Variants in C1orf146 observed in about 807,000 individuals in gnomAD.
C1orf146 encodes the protein chromosome 1 open reading frame 146, also known as protein SPO16 homolog.
Under a neutral mutation model 23.0 loss-of-function variants are expected in C1orf146, and 22 were observed. That is an observed-to-expected ratio of 0.96 (90% CI 0.68 to 1.36). C1orf146 has a LOEUF of 1.36. Among genes scored for constraint, C1orf146 ranks in the 40% most tolerant of loss-of-function variants. The pLI, the probability that C1orf146 is intolerant of heterozygous loss-of-function variation, is 0.00. For missense variants in C1orf146, 199 were observed against 206.8 expected, an observed-to-expected ratio of 0.96 and a Z score of 0.23; for synonymous variants, 59 against 65.3, an observed-to-expected ratio of 0.90 and a Z score of 0.47.
At chr1:92,227,388 A>T (rs1261832459) in intron 1 of C1orf146, among the ~76,000 whole-genome samples, 1 of 152,096 alleles carries the variant, frequency 6.6e-6, no homozygotes, top group Non-Finnish European at 1.5e-5. Context: ...TAAAAATACA[A>T]AAAAATTAGT....
At chr1:92,231,623 G>T in intron 2 of C1orf146, 137 bp downstream of exon 2, 1 of 484,672 alleles carries the variant, frequency 2.1e-6, no homozygotes, top group South Asian at 5.0e-5. Flanking sequence ...TAAGCTAAAT[G>T]TATTTTAAAG....
chr1:92,236,032 A>G (rs1652267781), intron 2 of C1orf146, among the ~76,000 whole-genome samples: 1 of 152,122 alleles, frequency 6.6e-6, no homozygotes, highest in Non-Finnish European at 1.5e-5. Context: ...TTTCCTGAAT[A>G]CAGCACACCG....
intron 1 of C1orf146, chr1:92,229,221 G>T: frequency 1.8e-6 from 1 of 550,994 alleles, no homozygotes; most frequent in Non-Finnish European, 3.7e-6. Context: ...GGTGATGTCT[G>T]GGTACATGGT....
At chr1:92,241,524 C>G (rs536205948) in intron 2 of C1orf146, among the ~76,000 whole-genome samples, 6 of 152,268 alleles carry the variant, frequency 3.9e-5, no homozygotes, top group Admixed American at 3.3e-4. Context: ...GAGTCTTGCT[C>G]TGTCACCTGG....
chr1:92,219,892 T>C (rs1651779103), intron 1 of C1orf146, among the ~76,000 whole-genome samples: 1 of 152,214 alleles, frequency 6.6e-6, no homozygotes, highest in Non-Finnish European at 1.5e-5. Flanking sequence ...GATTTGTCTC[T>C]TCTCCATTTA....
At chr1:92,221,979 C>T (rs1651826937) in intron 1 of C1orf146, among the ~76,000 whole-genome samples, 1 of 152,180 alleles carries the variant, frequency 6.6e-6, no homozygotes, top group African/African-American at 2.4e-5. Context: ...TGGTGACTCA[C>T]ACCTGTAATC....
chr1:92,219,490 CTCTTTCTTTTTTTTT>C (rs1316769251), intron 1 of C1orf146, among the ~76,000 whole-genome samples: 2 of 99,664 alleles, frequency 2.0e-5, no homozygotes, highest in African/African-American at 7.3e-5. Flanking sequence ...AAGTGACTTT[CTCTTTCTTTTTTTTT>C]TTTTTTTTTT....
chr1:92,222,954 C>T (rs1651873175), intron 1 of C1orf146, among the ~76,000 whole-genome samples: 1 of 152,044 alleles, frequency 6.6e-6, no homozygotes, highest in Admixed American at 6.6e-5. Flanking sequence ...CGGGGGTTGG[C>T]ATCTTTCCTT....
chr1:92,221,678 G>C (rs751990967), intron 1 of C1orf146, among the ~76,000 whole-genome samples: 5 of 152,140 alleles, frequency 3.3e-5, no homozygotes, highest in African/African-American at 1.2e-4. Flanking sequence ...GTTTCAAAGA[G>C]GTTATTTTTC....
chr1:92,235,876 G>T (rs548362300), intron 2 of C1orf146, among the ~76,000 whole-genome samples: 1,735 of 152,052 alleles, frequency 0.011, 14 homozygotes, highest in Middle Eastern at 0.027. Context: ...GGCCTTCTTT[G>T]TCTCTTTTGA....
chr1:92,227,838 T>C (rs984191897), intron 1 of C1orf146, among the ~76,000 whole-genome samples: 2 of 152,004 alleles, frequency 1.3e-5, no homozygotes, highest in African/African-American at 4.8e-5. Flanking sequence ...TTTGAAGATT[T>C]TTTTTTTTTT....
In C1orf146 at chr1:92,244,807, C is replaced by T. The variant is rs1462870000; in HGVS notation, c.358C>T (p.Pro120Ser). 1.2e-6 allele frequency: 2 copies of T among 1,608,814 alleles called. No homozygotes were observed. Among genetic ancestry groups the T allele is most frequent in the Non-Finnish European group, 1.7e-6 (2 of 1,175,824 alleles). The change falls in exon 5 of 6, where the codon CCA (proline) becomes TCA (serine). Residue 120 changes from proline (P) to serine (S), a missense_variant. Physicochemically the swap from Pro to Ser is moderately conservative, Grantham distance 74. Transcript: ENST00000370375. Reference protein sequence around the residue: ...RFLGCNLRILPVHNTVNAINL... With the variant: ...RFLGCNLRILSVHNTVNAINL... Reference sequence around the variant, plus strand: ...CCTGGGTTGTAACTTACGAATACTTCCAGTACACAACACAGTAAATGCTAT... The same window carrying T: ...CCTGGGTTGTAACTTACGAATACTTTCAGTACACAACACAGTAAATGCTAT...
chr1:92,222,420 C>T (rs1375113357), intron 1 of C1orf146, among the ~76,000 whole-genome samples: 1 of 151,444 alleles, frequency 6.6e-6, no homozygotes, highest in Non-Finnish European at 1.5e-5. Flanking sequence ...GATGTTTTGA[C>T]ACATTTATAC....
At chr1:92,219,700 G>GT (rs1445902697) in intron 1 of C1orf146, among the ~76,000 whole-genome samples, 1 of 151,658 alleles carries the variant, frequency 6.6e-6, no homozygotes, top group Admixed American at 6.6e-5. Context: ...CTGGAGTACA[G>GT]TTGTTATTTA....
intron 2 of C1orf146, among the ~76,000 whole-genome samples, chr1:92,237,940 G>GT (rs1424863860): frequency 1.3e-5 from 2 of 151,814 alleles, no homozygotes; most frequent in Non-Finnish European, 2.9e-5. Flanking sequence ...TTTGTTCTTT[G>GT]TTTTTTTAAG....
intron 2 of C1orf146, among the ~76,000 whole-genome samples, chr1:92,235,786 G>T (rs1386746362): frequency 6.6e-6 from 1 of 152,166 alleles, no homozygotes; most frequent in African/African-American, 2.4e-5. Context: ...TTATGAATCT[G>T]GATGCTCCTG....
At chr1:92,218,319 G>A (rs1304272433) in intron 1 of C1orf146, among the ~76,000 whole-genome samples, 2 of 152,054 alleles carry the variant, frequency 1.3e-5, no homozygotes, top group African/African-American at 2.4e-5. Context: ...TGGTCACTCC[G>A]AAAAGTAAAG....
At chr1:92,243,957 A>G (rs976339739) in intron 3 of C1orf146, among the ~76,000 whole-genome samples, 1 of 140,562 alleles carries the variant, frequency 7.1e-6, no homozygotes. Context: ...TTCATCTAGG[A>G]AAAAAAAAAA....
At chr1:92,244,158 A>G in intron 3 of C1orf146, 59 bp from the exon 4 acceptor site, 1 of 1,236,718 alleles carries the variant, frequency 8.1e-7, no homozygotes, top group Non-Finnish European at 1.2e-6. Context: ...TTTTGAGTTT[A>G]TAACAAAATT....
Sources: gnomAD v4.1 joint callset for allele counts (sites outside exome capture counted in the v4.1 genomes callset) on GRCh38, gnomAD v4.1.1 for gene constraint, MANE v1.5 for transcripts, NCBI Gene and HGNC (gene_info 2026-07-23, HGNC 2026-07-21) for gene names.